ISY1: variants seen among roughly 807,000 people sequenced by gnomAD.
ISY1 encodes ISY1 spliceosome associated protein.
In ISY1, 12 loss-of-function variants were observed where a neutral mutation model predicts 54.4. The ratio of observed to expected loss-of-function variants is 0.22; its 90% CI spans 0.14 to 0.36. ISY1 has a LOEUF of 0.36. Among genes scored for constraint, ISY1 ranks in the 10% least tolerant of loss-of-function variants. The pLI is 1.00. For missense variants in ISY1, 282 were observed against 342.2 expected, an observed-to-expected ratio of 0.82 and a Z score of 1.39; for synonymous variants, 96 against 117.9, an observed-to-expected ratio of 0.81 and a Z score of 1.20.
At chr3:129,154,687 T>C (rs1367643722) in intron 5 of ISY1, among the ~76,000 whole-genome samples, 1 of 121,382 alleles carries the variant, frequency 8.2e-6, no homozygotes, top group Non-Finnish European at 1.7e-5. Context: ...ATCAATTTTA[T>C]TGATCTTTTT....
At chr3:129,141,902 T>C (rs186145046) in intron 6 of ISY1, among the ~76,000 whole-genome samples, 17 of 152,140 alleles carry the variant, frequency 1.1e-4, no homozygotes, top group African/African-American at 4.1e-4. Flanking sequence ...GATACAACTA[T>C]ATCTATTAAA....
At chr3:129,130,790 T>C (rs1454869063) in intron 9 of ISY1, 154 bp from the exon 10 acceptor site, 1 of 767,910 alleles carries the variant, frequency 1.3e-6, no homozygotes. Flanking sequence ...CAAGATTAAG[T>C]AAAAAAAGCC....
At chr3:129,153,531 C>T (rs1409257180) in intron 5 of ISY1, among the ~76,000 whole-genome samples, 1 of 152,152 alleles carries the variant, frequency 6.6e-6, no homozygotes, top group African/African-American at 2.4e-5. Context: ...AGCCTGTAAT[C>T]CCAGCACTAC....
intron 5 of ISY1, among the ~76,000 whole-genome samples, chr3:129,149,055 C>T (rs901352066): frequency 5.3e-5 from 8 of 152,094 alleles, no homozygotes; most frequent in Non-Finnish European, 8.8e-5. Context: ...AATCCCAATA[C>T]TTTGGGAGAC....
rs1936133533 is a variant in ISY1, at chr3:129,127,949, AC to A, written c.*2131del. On this transcript the variant is annotated 3_prime_UTR_variant, in exon 11 of 11. Coordinates refer to ENST00000393295, the MANE Select transcript of ISY1 (RefSeq NM_020701.4). ...AGAGTGCGCGTGTGCCCCTTGGAAG[AC>A]AAACCCACAACCAGGCCTGTCTGAG... 1 of 152,262 alleles carries A rather than the reference AC, an allele frequency of 6.6e-6. No individual in the cohort carries two copies. The highest frequency in any genetic ancestry group is 1.5e-5 in the Non-Finnish European group (1 of 68,104). The allele number at this position is 152,262 out of a possible 1,614,324, so 9.4% of individuals were successfully genotyped here. A position where few individuals can be genotyped will look rare whatever the true frequency, so the allele number is the denominator to read the frequency against.
intron 3 of ISY1, among the ~76,000 whole-genome samples, chr3:129,157,259 T>C (rs1409035829): frequency 6.6e-6 from 1 of 152,208 alleles, no homozygotes; most frequent in Non-Finnish European, 1.5e-5. Context: ...GGTGTATTCA[T>C]ATACATGTGC....
At chr3:129,150,064 C>T (rs1354359793) in intron 5 of ISY1, among the ~76,000 whole-genome samples, 1 of 151,916 alleles carries the variant, frequency 6.6e-6, no homozygotes, top group Non-Finnish European at 1.5e-5. Context: ...GTCTATGTGC[C>T]CTGTCCTTTC....
chr3:129,149,655 A>G (rs1262013388), intron 5 of ISY1, among the ~76,000 whole-genome samples: 1 of 124,874 alleles, frequency 8.0e-6, no homozygotes, highest in African/African-American at 3.0e-5. Context: ...AAAATCAGCT[A>G]TGCATGGTGG....
At chr3:129,160,858 G>T in intron 1 of ISY1, 115 bp downstream of exon 1, 1 of 1,309,128 alleles carries the variant, frequency 7.6e-7, no homozygotes, top group Non-Finnish European at 1.1e-6. Context: ...CAAGGAACTT[G>T]AAGCCCTCAG....
chr3:129,131,678 G>A (rs1180667495), intron 9 of ISY1, among the ~76,000 whole-genome samples: 1 of 152,174 alleles, frequency 6.6e-6, no homozygotes, highest in Non-Finnish European at 1.5e-5. Flanking sequence ...GGATGGCAAG[G>A]GCATCATGTT....
chr3:129,130,485 G>A, intron 10 of ISY1, 65 bp downstream of exon 10: 3 of 1,586,932 alleles, frequency 1.9e-6, no homozygotes, highest in South Asian at 1.1e-5. Flanking sequence ...ACCCACTACA[G>A]TGCTCTGTGA....
intron 3 of ISY1, among the ~76,000 whole-genome samples, chr3:129,157,414 G>A (rs1279095152): frequency 6.6e-6 from 1 of 152,118 alleles, no homozygotes; most frequent in Non-Finnish European, 1.5e-5. Context: ...TATTAGAGCT[G>A]GAGTAATAAA....
chr3:129,139,999 T>C (rs545274416), intron 7 of ISY1, among the ~76,000 whole-genome samples: 3 of 152,320 alleles, frequency 2.0e-5, no homozygotes, highest in Non-Finnish European at 4.4e-5. Flanking sequence ...TGTTCTTTGG[T>C]TATCATTTGT....
chr3:129,140,431 C>A lies in ISY1; in HGVS notation c.355G>T (p.Gly119Cys). Residue 119 changes from glycine to cysteine, a missense_variant, in exon 7 of 11, where the codon GGT (glycine) becomes TGT (cysteine). Around this residue, in one of 2 missense-constraint regions of ISY1, gnomAD observed 279 missense variants for 323.6 expected, o/e 0.86. Coordinates refer to ENST00000393295, the MANE Select transcript of ISY1 (RefSeq NM_020701.4). ...HEGKEVPGNR[G>C]YKYFGAAKDL... ...TTTGCTGCTCCAAAGTACTTGTAAC[C>A]TCGGTTTCCTGGGACTTCTTTTCCT... is the stretch of plus-strand genomic sequence containing the variant. The A allele has an allele frequency of 6.2e-7, 1 of 1,613,366 alleles. No individual in the cohort carries two copies. Among genetic ancestry groups the A allele is most frequent in the Non-Finnish European group, 8.5e-7 (1 of 1,179,876 alleles).
chr3:129,134,039 T>G, intron 9 of ISY1, 35 bp downstream of exon 9: 1 of 1,612,992 alleles, frequency 6.2e-7, no homozygotes, highest in Non-Finnish European at 8.5e-7. Flanking sequence ...TTGGAACAGA[T>G]GGCAGTGAGT....
At chr3:129,151,212 T>C (rs1384831281) in intron 5 of ISY1, among the ~76,000 whole-genome samples, 1 of 147,910 alleles carries the variant, frequency 6.8e-6, no homozygotes, top group Non-Finnish European at 1.5e-5. Flanking sequence ...TGAATATATA[T>C]GGGGTGTGTG....
At chr3:129,140,820 C>T (rs927405973) in intron 6 of ISY1, among the ~76,000 whole-genome samples, 20 of 152,130 alleles carry the variant, frequency 1.3e-4, no homozygotes, top group African/African-American at 3.4e-4. Context: ...CCACCCACCT[C>T]GGCCTCCCAA....
intron 5 of ISY1, among the ~76,000 whole-genome samples, chr3:129,150,264 T>C (rs941600128): frequency 6.6e-6 from 1 of 152,192 alleles, no homozygotes; most frequent in Non-Finnish European, 1.5e-5. Context: ...TTGTGATATA[T>C]TGGAAGAGAG....
At chr3:129,158,448 T>G in intron 3 of ISY1, 60 bp downstream of exon 3, 1 of 1,606,678 alleles carries the variant, frequency 6.2e-7, no homozygotes, top group Non-Finnish European at 8.5e-7. Flanking sequence ...CATGAGCCAC[T>G]GCACCCAGCC....
Sources: allele counts gnomAD v4.1 joint callset (sites outside exome capture counted in the v4.1 genomes callset), GRCh38; gene constraint gnomAD v4.1.1; regional missense constraint gnomAD v4.1.1; transcripts MANE v1.5; gene names NCBI Gene and HGNC (gene_info 2026-07-23, HGNC 2026-07-21).